CNTRL: variants seen among roughly 807,000 people sequenced by gnomAD.
The protein encoded by CNTRL is 110 kDa centrosomal protein.
A neutral mutation model predicts 303.7 loss-of-function variants in CNTRL; 233 were observed. The observed-to-expected ratio is 0.77, with a 90% CI of 0.69 to 0.86. CNTRL has a LOEUF of 0.86. Ranked by LOEUF, CNTRL falls within the 40% of genes least tolerant of loss-of-function variation. The probability of loss-of-function intolerance (pLI) is 0.00; values close to 1 mark genes in which losing one functional copy is unlikely to be tolerated. For synonymous variants in CNTRL, 900 were observed against 922.2 expected (o/e 0.98, Z 0.44); for missense variants, 2,524 against 2,650.6 (o/e 0.95, Z 1.05).
chr9:121,138,784 T>C, intron 16 of CNTRL, 105 bp downstream of exon 16: 2 of 1,143,590 alleles, frequency 1.7e-6, no homozygotes, highest in East Asian at 2.4e-5. Flanking sequence ...AGTAAGCAAT[T>C]TGAATTACTA....
chr9:121,131,239 T>G (rs1222381699), intron 14 of CNTRL, among the ~76,000 whole-genome samples: 3 of 152,186 alleles, frequency 2.0e-5, no homozygotes, highest in African/African-American at 7.2e-5. Context: ...GGTGTTAAAG[T>G]CTCCCATTAT....
intron 4 of CNTRL, among the ~76,000 whole-genome samples, chr9:121,091,989 C>T (rs542195646): frequency 6.9e-6 from 1 of 145,730 alleles, no homozygotes; most frequent in African/African-American, 2.5e-5. Flanking sequence ...CTCAGTCGCA[C>T]TCTCATTCTT....
intron 16 of CNTRL, 144 bp from the exon 17 acceptor site, chr9:121,140,497 A>G: frequency 1.6e-6 from 1 of 629,056 alleles, no homozygotes. Context: ...TAGATTAATC[A>G]TACGGAAATT....
chr9:121,104,445 A>G lies in CNTRL; in HGVS notation c.809-3357A>G, dbSNP rs776088050. ...ATGTAAATGACGAGTTAATGGGTGC[A>G]GCACACCAACATGGCACGTGTATAC... is the stretch of plus-strand genomic sequence containing the variant. On this transcript the variant is annotated intron_variant, in intron 7 of 43. Transcript: ENST00000373855. Among the ~76,000 whole-genome samples the G allele has an allele frequency of 3.2e-4, 49 of 152,348 alleles. No individual in the cohort carries two copies. In the Middle Eastern group the frequency reaches 0.014, roughly 42 times the overall value.
chr9:121,082,213 T>C (rs2048166500), intron 2 of CNTRL, among the ~76,000 whole-genome samples: 1 of 152,128 alleles, frequency 6.6e-6, no homozygotes, highest in Non-Finnish European at 1.5e-5. Flanking sequence ...CATTTATGGA[T>C]AGAAAAGGGA....
intron 23 of CNTRL, among the ~76,000 whole-genome samples, chr9:121,148,292 A>G (rs2052002031): frequency 6.6e-6 from 1 of 152,132 alleles, no homozygotes; most frequent in Non-Finnish European, 1.5e-5. Flanking sequence ...AGGATAGGAG[A>G]TGGATGTTTT....
intron 2 of CNTRL, among the ~76,000 whole-genome samples, chr9:121,081,741 C>A (rs1000080109): frequency 1.3e-5 from 2 of 152,222 alleles, no homozygotes; most frequent in Non-Finnish European, 2.9e-5. Flanking sequence ...CTTCCAGACA[C>A]CTCCACATGT....
chr9:121,152,350 A>G (rs1273771192), intron 25 of CNTRL, 135 bp from the exon 26 acceptor site: 7 of 660,810 alleles, frequency 1.1e-5, no homozygotes, highest in South Asian at 1.9e-5. Context: ...TTTTTATACC[A>G]AAGTCTTAGA....
chr9:121,079,674 C>T (rs2048063525), intron 1 of CNTRL, among the ~76,000 whole-genome samples: 1 of 151,952 alleles, frequency 6.6e-6, no homozygotes, highest in South Asian at 2.1e-4. Flanking sequence ...AGTGCTTAAC[C>T]TGTAGTGAAT....
At chr9:121,116,560 C>T (rs372394103) in intron 11 of CNTRL, among the ~76,000 whole-genome samples, 22 of 151,968 alleles carry the variant, frequency 1.4e-4, no homozygotes, top group African/African-American at 5.1e-4. Flanking sequence ...TAGGCTCAAG[C>T]GATCTGCCCG....
chr9:121,144,908 A>G lies in CNTRL; in HGVS notation c.3117A>G (p.Ala1039=), dbSNP rs1254978029. The G allele has an allele frequency of 1.9e-6, 3 of 1,613,636 alleles. No homozygotes were observed. The East Asian group carries it at 6.7e-5, about 36-fold the overall frequency. The change falls in exon 21 of 44, where the codon GCA becomes GCG. Residue 1039 remains alanine, a synonymous_variant. Transcript: ENST00000373855. ...AAGCAGCCAGAGATCTCACCCGAGC[A>G]GAAGCTGAGATCGAACTCCTGCAGA... ...AAQAARDLTR[A]EAEIELLQNL... is the part of the protein sequence containing the mutation.
intron 24 of CNTRL, among the ~76,000 whole-genome samples, chr9:121,149,240 TCTGTCTTCCAAAGCTCCAGA>T (rs1383259423): frequency 6.6e-6 from 1 of 152,148 alleles, no homozygotes; most frequent in African/African-American, 2.4e-5. Context: ...GTGTTACGGG[TCTGTCTTCCAAAGCTCCAGA>T]GGAAGAGTCA....
At chr9:121,166,792 C>A (rs1198514982) in intron 36 of CNTRL, among the ~76,000 whole-genome samples, 6 of 152,208 alleles carry the variant, frequency 3.9e-5, no homozygotes, top group Admixed American at 2.6e-4. Flanking sequence ...GAGGCCAAGG[C>A]GGGCAGATCA....
At position 121,144,906 on chromosome 9, in the gene CNTRL, G is replaced by A. The variant is rs1440344579; in HGVS notation, c.3115G>A (p.Ala1039Thr). Reference sequence around the variant, plus strand: ...ACAAGCAGCCAGAGATCTCACCCGAGCAGAAGCTGAGATCGAACTCCTGCA... The same window carrying A: ...ACAAGCAGCCAGAGATCTCACCCGAACAGAAGCTGAGATCGAACTCCTGCA... The part of the protein sequence containing the change: ...AAQAARDLTR[A>T]EAEIELLQNL... The change falls in exon 21 of 44, where the codon GCA becomes ACA. Residue 1039 changes from alanine (A) to threonine (T), a missense_variant. Physicochemically the swap from Ala to Thr is moderately conservative, Grantham distance 58. Transcript: ENST00000373855. 6.2e-7 allele frequency: 1 copy of A among 1,613,602 alleles called. No individual in the cohort carries two copies. Among genetic ancestry groups the A allele is most frequent in the Non-Finnish European group, 8.5e-7 (1 of 1,179,954 alleles).
At chr9:121,132,968 C>A (rs868781523) in intron 14 of CNTRL, among the ~76,000 whole-genome samples, 1 of 152,190 alleles carries the variant, frequency 6.6e-6, no homozygotes, top group African/African-American at 2.4e-5. Context: ...CAAGTAGAGG[C>A]TGCAGAACAG....
At chr9:121,115,404 C>T (rs936015341) in intron 11 of CNTRL, among the ~76,000 whole-genome samples, 47 of 152,086 alleles carry the variant, frequency 3.1e-4, no homozygotes, top group Non-Finnish European at 8.8e-5. Flanking sequence ...CATTTTATAA[C>T]ATGTATAGAA....
rs147815375 is a variant in CNTRL, at chr9:121,095,032, C to A, written c.479+14C>A. The A allele has an allele frequency of 4.8e-4, 767 of 1,581,800 alleles. 3 individuals are homozygous for A. In the African/African-American group the frequency reaches 9.8e-3, roughly 20 times the overall value. On this transcript the variant is annotated intron_variant, in intron 5 of 43. Transcript: ENST00000373855. The stretch of plus-strand genomic sequence containing the variant: ...TAACAAAATCAGGTGAGTTATATAA[C>A]AAAATCTTTAGGCAGCATTGCAGAT...
At chr9:121,123,651 C>T (rs1016394982) in intron 12 of CNTRL, among the ~76,000 whole-genome samples, 5 of 151,888 alleles carry the variant, frequency 3.3e-5, no homozygotes, top group Admixed American at 2.6e-4. Context: ...TTTAATGCAA[C>T]GCAAATAACA....
intron 6 of CNTRL, among the ~76,000 whole-genome samples, chr9:121,097,777 A>G (rs541614209): frequency 2.0e-5 from 3 of 152,284 alleles, no homozygotes; most frequent in South Asian, 2.1e-4. Context: ...ATTTATTTCT[A>G]ATTTTGTATG....
Sources: gnomAD v4.1 joint callset for allele counts (sites outside exome capture counted in the v4.1 genomes callset) on GRCh38, gnomAD v4.1.1 for gene constraint, MANE v1.5 for transcripts, NCBI Gene and HGNC (gene_info 2026-07-23, HGNC 2026-07-21) for gene names.